Variants in ZCCHC2 observed in about 807,000 individuals in gnomAD.
ZCCHC2 encodes the protein zinc finger CCHC domain-containing protein 2.
ZCCHC2 carries 39 observed loss-of-function variants against 103.6 expected under a neutral mutation model. The ratio of observed to expected loss-of-function variants is 0.38; its 90% confidence interval spans 0.29 to 0.49. The LOEUF is 0.49. ZCCHC2 is among the 20% of genes least tolerant of loss of function. The pLI, the probability that ZCCHC2 is intolerant of heterozygous loss-of-function variation, is 0.96. For missense variants in ZCCHC2, 1,483 were observed against 1,491.0 expected, an observed-to-expected ratio of 0.99 and a Z score of 0.09; for synonymous variants, 687 against 608.9, an observed-to-expected ratio of 1.13 and a Z score of -1.89.
Position 62,524,263 on chromosome 18 carries a change from T to G in ZCCHC2, c.839T>G (p.Leu280Arg). 1 of 1,550,052 alleles carries G rather than the reference T, an allele frequency of 6.5e-7. No homozygotes were observed. Among genetic ancestry groups the G allele is most frequent in the Non-Finnish European group, 8.7e-7 (1 of 1,146,674 alleles). The change falls in exon 1 of 14, where the codon CTG (leucine) becomes CGG (arginine). Residue 280 changes from leucine to arginine, a missense_variant. Physicochemically the swap from Leu to Arg is moderately radical, Grantham distance 102 (BLOSUM62 -2). Around this residue, in one of 3 missense-constraint regions of ZCCHC2, gnomAD observed 568 missense variants for 525.1 expected, o/e 1.08. Coordinates refer to ENST00000269499, the MANE Select transcript of ZCCHC2 (RefSeq NM_017742.6). ...PAFSFHQRVT[L>R]REHLERLRAA... ...TTCTCCTTCCACCAGCGGGTCACCCTGAGGGAACACTTGGAGAGGCTCCGC... is the reference window on the plus strand; with the variant it reads ...TTCTCCTTCCACCAGCGGGTCACCCGGAGGGAACACTTGGAGAGGCTCCGC...
intron 12 of ZCCHC2, among the ~76,000 whole-genome samples, chr18:62,572,912 T>C (rs1916648914): frequency 6.6e-6 from 1 of 152,146 alleles, no homozygotes; most frequent in Non-Finnish European, 1.5e-5. Flanking sequence ...TAGCAAGAAA[T>C]ACCCCAATTA....
intron 2 of ZCCHC2, among the ~76,000 whole-genome samples, chr18:62,542,263 C>T (rs1045410199): frequency 6.6e-6 from 1 of 152,028 alleles, no homozygotes; most frequent in South Asian, 2.1e-4. Flanking sequence ...TACTTAAACA[C>T]TCAGCATGTC....
intron 12 of ZCCHC2, among the ~76,000 whole-genome samples, chr18:62,573,017 TTCTGTG>T (rs1440160592): frequency 6.6e-6 from 1 of 152,242 alleles, no homozygotes; most frequent in Non-Finnish European, 1.5e-5. Context: ...ACTGTTGATG[TTCTGTG>T]TCAGTAAGTA....
At position 62,524,338 on chromosome 18, in the gene ZCCHC2, G is replaced by T. The variant is rs1276568518; in HGVS notation, c.914G>T (p.Cys305Phe). The change falls in exon 1 of 14, where the codon TGC (cysteine) becomes TTC (phenylalanine). Residue 305 changes from cysteine (C) to phenylalanine (F), a missense_variant. Physicochemically the swap from Cys to Phe is radical, Grantham distance 205 (BLOSUM62 -2). Coordinates refer to ENST00000269499, the MANE Select transcript of ZCCHC2 (RefSeq NM_017742.6). ...PEDAEVEVEP[C>F]KFAGPRAQNN... ...GACGCGGAGGTGGAGGTAGAGCCGT[G>T]CAAGTTTGCCGGCCCCAGGGCCCAG... 2 of 1,536,832 alleles carry T rather than the reference G, an allele frequency of 1.3e-6. No homozygotes were observed. The highest frequency in any genetic ancestry group is 4.0e-5 in the Admixed American group (2 of 49,402).
Position 62,576,662 on chromosome 18 carries a change from T to C in ZCCHC2, c.*83T>C, listed in dbSNP as rs2145539795. ...GGGGAGGAAAGGAAAGGTATTTTGT[T>C]TCTTTGTCTATACATTTCCTAGATT... On this transcript the variant is annotated 3_prime_UTR_variant, in exon 14 of 14. Transcript: ENST00000269499. The C allele has an allele frequency of 7.5e-7, 1 of 1,342,202 alleles. No homozygotes were observed. The highest frequency in any genetic ancestry group is 1.3e-5 in the South Asian group (1 of 79,002). 83.1% of individuals were successfully genotyped at this position (1,342,202 alleles called of 1,614,324 possible). A position where few individuals can be genotyped will look rare whatever the true frequency, so the allele number is the denominator to read the frequency against.
At chr18:62,583,827 G>T (rs955587198) in intron 14 of ZCCHC2, among the ~76,000 whole-genome samples, 3 of 152,130 alleles carry the variant, frequency 2.0e-5, no homozygotes, top group African/African-American at 7.2e-5. Context: ...GAGACCAGCT[G>T]TTAAAGGATG....
chr18:62,541,103 C>T (rs529977742), intron 2 of ZCCHC2, among the ~76,000 whole-genome samples: 4 of 152,202 alleles, frequency 2.6e-5, no homozygotes, highest in Non-Finnish European at 5.9e-5. Context: ...TGGCGTCATC[C>T]TTTAACTTAA....
chr18:62,564,159 C>T (rs1025018338), intron 9 of ZCCHC2, among the ~76,000 whole-genome samples: 1 of 152,088 alleles, frequency 6.6e-6, no homozygotes, highest in Non-Finnish European at 1.5e-5. Flanking sequence ...TTTCAAAGCC[C>T]GTCTGAGTTT....
chr18:62,532,530 C>T (rs1351292838), intron 1 of ZCCHC2, among the ~76,000 whole-genome samples: 2 of 152,172 alleles, frequency 1.3e-5, no homozygotes, highest in African/African-American at 4.8e-5. Context: ...CTCTAATAGG[C>T]CTTTAGACTC....
At chr18:62,554,061 C>G (rs370001279) in intron 5 of ZCCHC2, among the ~76,000 whole-genome samples, 1 of 152,112 alleles carries the variant, frequency 6.6e-6, no homozygotes, top group Non-Finnish European at 1.5e-5. Flanking sequence ...TCTGATACTT[C>G]CTTTTTAAAA....
intron 5 of ZCCHC2, among the ~76,000 whole-genome samples, chr18:62,550,986 C>A (rs1235806153): frequency 1.3e-5 from 2 of 152,092 alleles, no homozygotes; most frequent in African/African-American, 2.4e-5. Context: ...ATTCCCGGAG[C>A]CTCCCATGTG....
At chr18:62,575,613 A>G in intron 13 of ZCCHC2, 63 bp downstream of exon 13, 1 of 1,532,654 alleles carries the variant, frequency 6.5e-7, no homozygotes, top group Non-Finnish European at 8.9e-7. Context: ...TCCTTTCCTT[A>G]TTGATCATGG....
At chr18:62,539,589 A>G in intron 1 of ZCCHC2, 92 bp from the exon 2 acceptor site, 1 of 1,142,792 alleles carries the variant, frequency 8.8e-7, no homozygotes, top group Non-Finnish European at 1.3e-6. Flanking sequence ...TTGCCACTAA[A>G]ATGGTTGTTA....
chr18:62,529,258 G>C (rs1914581303), intron 1 of ZCCHC2, among the ~76,000 whole-genome samples: 1 of 151,932 alleles, frequency 6.6e-6, no homozygotes, highest in African/African-American at 2.4e-5. Context: ...GACCCCTGCT[G>C]CTGGGTTATT....
chr18:62,540,116 T>C (rs1915110948), intron 2 of ZCCHC2, among the ~76,000 whole-genome samples: 1 of 152,178 alleles, frequency 6.6e-6, no homozygotes, highest in African/African-American at 2.4e-5. Flanking sequence ...ATTTGCAGAA[T>C]TGAGCTCAGT....
chr18:62,564,551 C>T lies in ZCCHC2; in HGVS notation c.1687-20C>T, dbSNP rs1420004081. 2 of 1,495,540 alleles carry T rather than the reference C, an allele frequency of 1.3e-6. No homozygotes were observed. The highest frequency in any genetic ancestry group is 2.8e-5 in the African/African-American group (2 of 70,890). 92.6% of individuals were successfully genotyped at this position (1,495,540 alleles called of 1,614,324 possible). A position where few individuals can be genotyped will look rare whatever the true frequency, so the allele number is the denominator to read the frequency against. On this transcript the variant is annotated intron_variant, in intron 9 of 13. Transcript: ENST00000269499. ...ATGGTTTAGCTTTTGTCTGATTTGT[C>T]TTTTTATTCTTTCTACTAGCATTCT...
chr18:62,554,897 T>C (rs1915818712), intron 5 of ZCCHC2, among the ~76,000 whole-genome samples: 1 of 152,244 alleles, frequency 6.6e-6, no homozygotes, highest in South Asian at 2.1e-4. Flanking sequence ...TTTTGCATGA[T>C]ATACAAGGCA....
At chr18:62,547,866 C>T (rs1915487936) in intron 4 of ZCCHC2, among the ~76,000 whole-genome samples, 1 of 152,108 alleles carries the variant, frequency 6.6e-6, no homozygotes, top group East Asian at 1.9e-4. Context: ...GTCTGGTCCC[C>T]TGTTTTTTTC....
chr18:62,563,135 G>T lies in ZCCHC2; in HGVS notation c.1677G>T (p.Ser559=). The part of the protein sequence containing the change: ...TIQHPEHCVT[S]ADQHSAEKRS... ...AACACCCAGAGCACTGTGTGACCTC[G>T]GCTGACCAGGTGTGTGGGGAGTTTG... Residue 559 remains serine, a synonymous_variant, in exon 9 of 14, where the codon TCG becomes TCT. Coordinates refer to ENST00000269499, the MANE Select transcript of ZCCHC2 (RefSeq NM_017742.6). The T allele has an allele frequency of 6.2e-7, 1 of 1,612,998 alleles. No homozygotes were observed. The highest frequency in any genetic ancestry group is 1.7e-4 in the Middle Eastern group (1 of 6,060).
Sources: gnomAD v4.1 joint callset for allele counts (sites outside exome capture counted in the v4.1 genomes callset) on GRCh38, gnomAD v4.1.1 for gene constraint, gnomAD v4.1.1 regional missense constraint, MANE v1.5 for transcripts, NCBI Gene and HGNC (gene_info 2026-07-23, HGNC 2026-07-21) for gene names.